The following RNF135 variants were observed in gnomAD, a reference collection of about 807,000 sequenced individuals.
The protein encoded by RNF135 is E3 ubiquitin-protein ligase RNF135.
Under a neutral mutation model 41.9 loss-of-function variants are expected in RNF135, and 46 were observed. That is an observed-to-expected ratio of 1.10 (90% confidence interval 0.87 to 1.40). The LOEUF (loss-of-function observed/expected upper bound fraction) is 1.40. RNF135 is among the 40% of genes most tolerant of loss of function. The probability of loss-of-function intolerance (pLI) is 0.00; values close to 1 mark genes in which losing one functional copy is unlikely to be tolerated. For missense variants in RNF135, 539 were observed against 549.8 expected (o/e 0.98, Z 0.20); for synonymous variants, 238 against 223.8 (o/e 1.06, Z -0.57).
intron 1 of RNF135, among the ~76,000 whole-genome samples, chr17:30,973,812 A>T (rs1906210943): frequency 6.6e-6 from 1 of 152,136 alleles, no homozygotes; most frequent in South Asian, 2.1e-4. Flanking sequence ...TAATTGGTCA[A>T]TTTTAAGTTA....
At chr17:30,966,614 G>C (rs565849252), upstream of RNF135, among the ~76,000 whole-genome samples, 23 of 150,560 alleles carry the variant, frequency 1.5e-4, 1 homozygote, top group South Asian at 4.8e-3. Flanking sequence ...TCCTGCCTCA[G>C]CCTCCCGAGT....
upstream of RNF135, among the ~76,000 whole-genome samples, chr17:30,966,217 G>A (rs1905539984): frequency 6.6e-6 from 1 of 152,024 alleles, no homozygotes; most frequent in Non-Finnish European, 1.5e-5. Flanking sequence ...GGTTAGCTTG[G>A]CCTACCCCAG....
At chr17:30,969,969 G>T (rs182236575), upstream of RNF135, among the ~76,000 whole-genome samples, 115 of 151,596 alleles carry the variant, frequency 7.6e-4, 1 homozygote, top group South Asian at 1.7e-3. Flanking sequence ...TAGAGATGAG[G>T]GTTCACCATG....
intron 1 of RNF135, among the ~76,000 whole-genome samples, chr17:30,973,936 T>C (rs1475796633): frequency 6.6e-6 from 1 of 152,230 alleles, no homozygotes; most frequent in Non-Finnish European, 1.5e-5. Flanking sequence ...AGACTTGGCA[T>C]CCTTGTCAAC....
chr17:30,996,693 T>A (rs969138053), intron 3 of RNF135, among the ~76,000 whole-genome samples: 4 of 152,242 alleles, frequency 2.6e-5, no homozygotes, highest in Admixed American at 2.6e-4. Context: ...TTACTTATCA[T>A]CTGCCTGACG....
chr17:30,998,739 G>A lies in RNF135; in HGVS notation c.847G>A (p.Val283Met). 6.2e-7 allele frequency: 1 copy of A among 1,613,308 alleles called. No individual in the cohort carries two copies. Among genetic ancestry groups the A allele is most frequent in the Non-Finnish European group, 8.5e-7 (1 of 1,179,818 alleles). Residue 283 changes from valine (V) to methionine (M), a missense_variant, in exon 5 of 5, where the codon GTG (valine) becomes ATG (methionine). Val to Met is a conservative substitution (Grantham distance 21). Coordinates refer to ENST00000328381, the MANE Select transcript of RNF135 (RefSeq NM_032322.4). Reference sequence around the variant, plus strand: ...GTCCAAGGATTCCCGTACAGTGACTGTGTCTCACCGCCCACAACCCTATCG... The same window carrying A: ...GTCCAAGGATTCCCGTACAGTGACTATGTCTCACCGCCCACAACCCTATCG... Reference protein sequence around the residue: ...EVSKDSRTVTVSHRPQPYRWS... With the variant: ...EVSKDSRTVTMSHRPQPYRWS...
intron 1 of RNF135, chr17:30,975,513 C>G (rs1906367980): frequency 2.6e-6 from 2 of 777,508 alleles, no homozygotes; most frequent in Non-Finnish European, 4.8e-6. Context: ...TACCCAAACC[C>G]CTGCCCTCAG....
chr17:30,999,673 C>T lies in RNF135; in HGVS notation c.*482C>T, dbSNP rs1908611350. The T allele has an allele frequency of 5.7e-6, 1 of 176,930 alleles. No homozygotes were observed. Among genetic ancestry groups the T allele is most frequent in the South Asian group, 1.3e-4 (1 of 7,988 alleles). 11.0% of individuals were successfully genotyped at this position (176,930 alleles called of 1,614,324 possible). A position where few individuals can be genotyped will look rare whatever the true frequency, so the allele number is the denominator to read the frequency against. ...GGGCAGTGAAGCATGCCAATGTGAT[C>T]AATCCCTAGTAAAAGCCCTGGACAC... On this transcript the variant is annotated 3_prime_UTR_variant, in exon 5 of 5. Transcript: ENST00000328381.
chr17:30,981,613 G>A (rs1399125341), intron 1 of RNF135, among the ~76,000 whole-genome samples: 1 of 152,314 alleles, frequency 6.6e-6, no homozygotes, highest in East Asian at 1.9e-4. Flanking sequence ...GATGCTCGTG[G>A]ATGTTTGTCA....
At chr17:30,992,788 G>A (rs1463609341) in intron 3 of RNF135, among the ~76,000 whole-genome samples, 1 of 151,838 alleles carries the variant, frequency 6.6e-6, no homozygotes, top group African/African-American at 2.4e-5. Context: ...TATTTTTTTT[G>A]TGGAGAAGAG....
chr17:30,984,543 G>T (rs980884090), intron 1 of RNF135, 74 bp from the exon 2 acceptor site: 1 of 1,496,750 alleles, frequency 6.7e-7, no homozygotes, highest in Admixed American at 1.7e-5. Flanking sequence ...CAGTATTTAT[G>T]ATTCCCTCTG....
At position 30,971,094 on chromosome 17, in the gene RNF135, C is replaced by A. The variant is rs548907013; in HGVS notation, c.21C>A (p.Gly7=). Residue 7 remains glycine, a synonymous_variant, in exon 1 of 5, where the codon GGC becomes GGA. Transcript: ENST00000328381. ...TGGCCATGGCGGGCCTGGGCCTGGG[C>A]TCCGCCGTTCCCGTGTGGCTGGCCG... MAGLGL[G]SAVPVWLAED... 24 of 1,534,338 alleles carry A rather than the reference C, an allele frequency of 1.6e-5. No individual in the cohort carries two copies. The Admixed American group carries it at 4.5e-4, about 29-fold the overall frequency.
chr17:30,975,998 A>G (rs1292898420), intron 1 of RNF135: 7 of 352,794 alleles, frequency 2.0e-5, no homozygotes, highest in Non-Finnish European at 3.1e-5. Context: ...AATAAATACT[A>G]AAAAAATTTT....
chr17:30,966,423 T>C (rs1294474656), upstream of RNF135, among the ~76,000 whole-genome samples: 1 of 110,010 alleles, frequency 9.1e-6, no homozygotes, highest in Non-Finnish European at 1.5e-5. Flanking sequence ...TATTTTTTTA[T>C]TTATTTTTAT....
At chr17:30,995,160 G>C (rs1400520488) in intron 3 of RNF135, among the ~76,000 whole-genome samples, 1 of 151,950 alleles carries the variant, frequency 6.6e-6, no homozygotes, top group Non-Finnish European at 1.5e-5. Context: ...GGCCGAGGCG[G>C]GTGGATCACT....
chr17:30,963,193 C>T, the RNF135 span, among the ~76,000 whole-genome samples: 1 of 148,770 alleles, frequency 6.7e-6, no homozygotes, highest in African/African-American at 2.5e-5. Flanking sequence ...ACTACATCCA[C>T]AGACCCCTCA....
intron 2 of RNF135, among the ~76,000 whole-genome samples, chr17:30,985,010 ACGTTCTGGTGCCTGTCTCTATAAG>A (rs1341987835): frequency 1.3e-5 from 2 of 152,112 alleles, no homozygotes; most frequent in South Asian, 2.1e-4. Context: ...TCTGTGTATA[ACGTTCTGGTGCCTGTCTCTATAAG>A]CGTTCTGGTG....
the RNF135 span, among the ~76,000 whole-genome samples, chr17:30,962,160 G>GTC: frequency 6.6e-6 from 1 of 150,386 alleles, no homozygotes; most frequent in Admixed American, 6.6e-5. Flanking sequence ...CCGAGATGGA[G>GTC]TCTCTCTGTG....
Position 30,971,160 on chromosome 17 carries a change from C to G in RNF135, c.87C>G (p.Asp29Glu), listed in dbSNP as rs1357363727. Residue 29 changes from aspartate to glutamate, a missense_variant, in exon 1 of 5, where the codon GAC becomes GAG. Asp to Glu is a conservative substitution (Grantham distance 45). Coordinates refer to ENST00000328381, the MANE Select transcript of RNF135 (RefSeq NM_032322.4). ...LGCIICQGLL[D>E]WPATLPCGHS... ...GCATCATCTGCCAGGGGCTGCTGGA[C>G]TGGCCCGCCACGCTGCCCTGCGGCC... The G allele has an allele frequency of 4.6e-6, 7 of 1,532,518 alleles. No homozygotes were observed. In the African/African-American group the frequency reaches 5.5e-5, roughly 12 times the overall value. The allele number at this position is 1,532,518 out of a possible 1,614,324, so 94.9% of individuals were successfully genotyped here.
Sources: allele counts gnomAD v4.1 joint callset (sites outside exome capture counted in the v4.1 genomes callset), GRCh38; gene constraint gnomAD v4.1.1; transcripts MANE v1.5; gene names NCBI Gene and HGNC (gene_info 2026-07-23, HGNC 2026-07-21).